The following PKP2 variants were observed in gnomAD, a reference collection of about 807,000 sequenced individuals.
PKP2 encodes plakophilin 2, also known as plakophilin-2.
PKP2 carries 73 observed loss-of-function variants against 83.4 expected under a neutral mutation model. That is an observed-to-expected ratio of 0.88 (90% CI 0.72 to 1.06). PKP2 has a LOEUF of 1.06. Ranked by LOEUF, PKP2 falls within the 50% of genes least tolerant of loss-of-function variation. PKP2 has a pLI of 0.00. For synonymous variants in PKP2, 409 were observed against 430.4 expected, an observed-to-expected ratio of 0.95 and a Z score of 0.62; for missense variants, 966 against 1,065.4, an observed-to-expected ratio of 0.91 and a Z score of 1.30.
intron 4 of PKP2, among the ~76,000 whole-genome samples, chr12:32,854,567 G>A (rs920160978): frequency 2.6e-5 from 4 of 152,112 alleles, no homozygotes; most frequent in Non-Finnish European, 2.9e-5. Flanking sequence ...GTCCCTTAAC[G>A]TTCAGGGAAG....
In PKP2 at chr12:32,810,807, G is replaced by C. The variant is rs1273401542; in HGVS notation, c.2014-8251C>G. 2.2e-4 allele frequency among the ~76,000 whole-genome samples: 7 copies of C among 31,678 alleles called. 3 individuals are homozygous for C. The highest frequency in any genetic ancestry group is 2.4e-4 in the Non-Finnish European group (2 of 8,422). The allele number at this position is 31,678 out of a possible 152,430, so 20.8% of individuals were successfully genotyped here. A position where few individuals can be genotyped will look rare whatever the true frequency, so the allele number is the denominator to read the frequency against. On this transcript the variant is annotated intron_variant, in intron 9 of 12. Transcript: ENST00000340811. Reference sequence around the variant, plus strand: ...CGCCATTCTCCTGCCTCAGCCTCCCGAGTAGCTGGGACTACAGGCGCCCGC... The same window carrying C: ...CGCCATTCTCCTGCCTCAGCCTCCCCAGTAGCTGGGACTACAGGCGCCCGC...
At chr12:32,838,585 C>T (rs779193831) in intron 6 of PKP2, among the ~76,000 whole-genome samples, 4 of 152,194 alleles carry the variant, frequency 2.6e-5, no homozygotes, top group Non-Finnish European at 2.9e-5. Flanking sequence ...ATCACAAACT[C>T]CATACTCTTA....
At chr12:32,867,673 T>C (rs1340758216) in intron 4 of PKP2, among the ~76,000 whole-genome samples, 1 of 152,248 alleles carries the variant, frequency 6.6e-6, no homozygotes. Flanking sequence ...TCATTTATGA[T>C]TTCATGTTTT....
intron 6 of PKP2, 68 bp from the exon 7 acceptor site, chr12:32,824,230 G>C: frequency 9.3e-7 from 1 of 1,076,836 alleles, no homozygotes; most frequent in East Asian, 2.4e-5. Context: ...TTGTTTTGAA[G>C]TTTTACTTGA....
rs1425855043 is a variant in PKP2 at position 32,878,105 on chromosome 12, C to A, written c.775G>T (p.Glu259Ter). Residue 259 changes from glutamate (E) to a stop codon, truncating the protein, a stop_gained, in exon 3 of 13, where the codon GAG (glutamate) becomes TAG (stop). Transcript: ENST00000340811. LOFTEE classifies it high-confidence loss of function. ...GTGAGCCCTGCCGTCAGGTAGTTCTCCTTCTCCAAGAGGTTGCCCATGCTG... is the reference window on the plus strand; with the variant it reads ...GTGAGCCCTGCCGTCAGGTAGTTCTACTTCTCCAAGAGGTTGCCCATGCTG... ...SRSMGNLLEK[E>*]NYLTAGLTVG... 1.2e-6 allele frequency: 2 copies of A among 1,614,264 alleles called. No homozygotes were observed. The highest frequency in any genetic ancestry group is 1.7e-6 in the Non-Finnish European group (2 of 1,180,042).
rs979685576 is a variant in PKP2, at chr12:32,894,468, T to A, written c.223+2041A>T. 3.9e-5 allele frequency: 6 copies of A among 152,328 alleles called. No homozygotes were observed. In the East Asian group the frequency reaches 1.2e-3, roughly 29 times the overall value. 9.4% of individuals were successfully genotyped at this position (152,328 alleles called of 1,614,324 possible). A position where few individuals can be genotyped will look rare whatever the true frequency, so the allele number is the denominator to read the frequency against. ...ATTACTTTGTAGAAAGAACAGATTATGTGTGGAGTTGGGATTAAATTTCCA... is the reference window on the plus strand; with the variant it reads ...ATTACTTTGTAGAAAGAACAGATTAAGTGTGGAGTTGGGATTAAATTTCCA... On this transcript the variant is annotated intron_variant, in intron 1 of 12. Coordinates refer to ENST00000340811, the MANE Select transcript of PKP2 (RefSeq NM_001005242.3).
At chr12:32,792,952 T>C (rs577308313) in intron 11 of PKP2, 15 of 552,576 alleles carry the variant, frequency 2.7e-5, no homozygotes, top group South Asian at 2.6e-4. Context: ...ACAGTGCTAA[T>C]AAATAAATAG....
chr12:32,806,396 T>C (rs1956226129), intron 9 of PKP2, among the ~76,000 whole-genome samples: 1 of 152,190 alleles, frequency 6.6e-6, no homozygotes. Context: ...TTAGAACTCA[T>C]TATTGGTCTA....
At chr12:32,868,883 T>G in intron 4 of PKP2, 44 bp downstream of exon 4, 1 of 1,598,618 alleles carries the variant, frequency 6.3e-7, no homozygotes. Flanking sequence ...ATAATAGAAG[T>G]GAAAGTGTGT....
rs1158339454 is a variant in PKP2, at chr12:32,856,899, A to G, written c.1171-5926T>C. 2.0e-5 allele frequency among the ~76,000 whole-genome samples: 3 copies of G among 152,216 alleles called. No individual in the cohort carries two copies. In the East Asian group the frequency reaches 5.8e-4, roughly 29 times the overall value. ...AGGCAGTGCACCATTATCTGACTGC[A>G]TTCTCAGGACAACTCTTGGTAGGAG... On this transcript the variant is annotated intron_variant, in intron 4 of 12. Transcript: ENST00000340811.
intron 4 of PKP2, among the ~76,000 whole-genome samples, chr12:32,854,957 C>G (rs1956732194): frequency 1.3e-5 from 2 of 152,214 alleles, no homozygotes; most frequent in South Asian, 4.1e-4. Flanking sequence ...TCTGGCAAAG[C>G]CCTACTCATC....
At chr12:32,800,492 G>C (rs1956169327) in intron 10 of PKP2, among the ~76,000 whole-genome samples, 1 of 152,170 alleles carries the variant, frequency 6.6e-6, no homozygotes, top group Non-Finnish European at 1.5e-5. Context: ...ATACTGTGGA[G>C]AGCTCAGCGT....
chr12:32,892,801 G>T (rs1297879841), intron 1 of PKP2, among the ~76,000 whole-genome samples: 1 of 99,874 alleles, frequency 1.0e-5, no homozygotes, highest in Admixed American at 1.2e-4. Context: ...TCTCCACTCA[G>T]ATACCTGGGG....
chr12:32,830,263 G>A (rs1409588716), intron 6 of PKP2, among the ~76,000 whole-genome samples: 1 of 152,202 alleles, frequency 6.6e-6, no homozygotes, highest in Admixed American at 6.5e-5. Flanking sequence ...ATATCAAACA[G>A]TTGGGCCTTG....
intron 4 of PKP2, among the ~76,000 whole-genome samples, chr12:32,868,600 G>T (rs1019448167): frequency 2.0e-5 from 3 of 151,948 alleles, no homozygotes; most frequent in Non-Finnish European, 4.4e-5. Context: ...TCAGTTCACC[G>T]CAACCTCCGC....
At chr12:32,882,433 T>C (rs1956994810) in intron 1 of PKP2, among the ~76,000 whole-genome samples, 1 of 152,152 alleles carries the variant, frequency 6.6e-6, no homozygotes, top group Non-Finnish European at 1.5e-5. Context: ...CAGGAGTAGG[T>C]AGATATTCAG....
At chr12:32,864,307 CAT>C (rs1401272996) in intron 4 of PKP2, among the ~76,000 whole-genome samples, 6 of 57,564 alleles carry the variant, frequency 1.0e-4, no homozygotes, top group Middle Eastern at 7.0e-3. Context: ...GTACTATACA[CAT>C]ACACACACAC....
chr12:32,800,386 T>C (rs1243195346), intron 10 of PKP2, among the ~76,000 whole-genome samples: 4 of 152,232 alleles, frequency 2.6e-5, no homozygotes, highest in African/African-American at 9.6e-5. Context: ...CTGAATGATA[T>C]GTCATCATAA....
At chr12:32,875,481 G>A (rs1179681401) in intron 3 of PKP2, among the ~76,000 whole-genome samples, 1 of 152,178 alleles carries the variant, frequency 6.6e-6, no homozygotes, top group African/African-American at 2.4e-5. Context: ...AGAGTAGAAG[G>A]AGAAGAGGCT....
Sources: allele counts gnomAD v4.1 joint callset (sites outside exome capture counted in the v4.1 genomes callset), GRCh38; gene constraint gnomAD v4.1.1; transcripts MANE v1.5; gene names NCBI Gene and HGNC (gene_info 2026-07-23, HGNC 2026-07-21).